Variants in JPH1 observed in about 807,000 individuals in gnomAD.
JPH1 encodes junctophilin 1, also known as junctophilin-1.
In JPH1, 12 loss-of-function variants were observed where a neutral mutation model predicts 53.6. The ratio of observed to expected loss-of-function variants is 0.22; its 90% CI spans 0.14 to 0.36. The LOEUF (loss-of-function observed/expected upper bound fraction) is 0.36. JPH1 is among the 10% of genes least tolerant of loss of function. JPH1 has a pLI of 1.00. For synonymous variants in JPH1, 375 were observed against 363.8 expected (o/e 1.03, Z -0.35); for missense variants, 808 against 905.5 (o/e 0.89, Z 1.38).
chr8:74,266,487 G>A (rs1192740060), intron 2 of JPH1, among the ~76,000 whole-genome samples: 1 of 152,176 alleles, frequency 6.6e-6, no homozygotes, highest in East Asian at 1.9e-4. Context: ...GGTACCTAGA[G>A]TAGTCAAATT....
At chr8:74,270,681 C>T (rs1806672595) in intron 2 of JPH1, among the ~76,000 whole-genome samples, 1 of 152,156 alleles carries the variant, frequency 6.6e-6, no homozygotes, top group Non-Finnish European at 1.5e-5. Flanking sequence ...TTCAAGCCAA[C>T]TAAGTACAAG....
rs1307542973 is a variant in JPH1, at chr8:74,259,393, T to C, written c.1250A>G (p.Tyr417Cys). ...AVARELSPDF[Y>C]QPGPDYVKQR... ...AAGGAGCACTGTTTTACCTGGTTGG[T>C]AGAAATCAGGTGACAGCTCCCTGGC... The change falls in exon 3 of 6, where the codon TAC (tyrosine) becomes TGC (cysteine). Residue 417 changes from tyrosine to cysteine, a missense_variant. By Grantham distance (194) the Tyr-to-Cys change is radical. Coordinates refer to ENST00000342232, the MANE Select transcript of JPH1 (RefSeq NM_020647.4). The C allele has an allele frequency of 6.2e-7, 1 of 1,613,050 alleles. No individual in the cohort carries two copies. Among genetic ancestry groups the C allele is most frequent in the African/African-American group, 1.3e-5 (1 of 74,908 alleles).
chr8:74,319,603 C>G (rs964667245), intron 1 of JPH1, among the ~76,000 whole-genome samples: 1 of 152,212 alleles, frequency 6.6e-6, no homozygotes, highest in African/African-American at 2.4e-5. Context: ...TTCTACCATT[C>G]TGCCATTTTG....
intron 3 of JPH1, among the ~76,000 whole-genome samples, chr8:74,246,455 C>T (rs926153222): frequency 1.3e-5 from 2 of 152,092 alleles, no homozygotes; most frequent in African/African-American, 2.4e-5. Flanking sequence ...ATTGCTCTTC[C>T]CATGGTGGTC....
intron 2 of JPH1, among the ~76,000 whole-genome samples, chr8:74,299,150 C>T (rs1242426258): frequency 1.3e-5 from 2 of 151,382 alleles, no homozygotes; most frequent in East Asian, 1.9e-4. Context: ...CTTCCCTTAG[C>T]TTCCCTTTAA....
intron 2 of JPH1, among the ~76,000 whole-genome samples, chr8:74,272,020 C>T (rs1182903224): frequency 6.6e-6 from 1 of 152,246 alleles, no homozygotes; most frequent in Non-Finnish European, 1.5e-5. Flanking sequence ...GGCGGTTACT[C>T]ACTGCTTGCA....
Position 74,242,232 on chromosome 8 carries a change from T to C in JPH1, c.1905+2297A>G, listed in dbSNP as rs55825217. Among the ~76,000 whole-genome samples the C allele has an allele frequency of 1.4e-3, 217 of 152,342 alleles. 1 individual carries two copies. The highest frequency in any genetic ancestry group is 5.0e-3 in the African/African-American group (206 of 41,574). On this transcript the variant is annotated intron_variant, in intron 4 of 5. Coordinates refer to ENST00000342232, the MANE Select transcript of JPH1 (RefSeq NM_020647.4). ...AGGATGGATCAGATCTACTTGAATATTTCTGAACTGCTTATGCTTCAGTTA... is the reference window on the plus strand; with the variant it reads ...AGGATGGATCAGATCTACTTGAATACTTCTGAACTGCTTATGCTTCAGTTA...
At chr8:74,305,365 G>C (rs1207257129) in intron 2 of JPH1, among the ~76,000 whole-genome samples, 3 of 152,246 alleles carry the variant, frequency 2.0e-5, no homozygotes, top group African/African-American at 7.2e-5. Flanking sequence ...AGTTTCTCCA[G>C]GTCAAAGCTG....
chr8:74,286,458 G>A (rs535966215), intron 2 of JPH1, among the ~76,000 whole-genome samples: 5 of 152,176 alleles, frequency 3.3e-5, no homozygotes, highest in African/African-American at 1.2e-4. Flanking sequence ...TATCTTAAAA[G>A]TATACACTAC....
chr8:74,318,386 G>C (rs1293494842), intron 1 of JPH1, among the ~76,000 whole-genome samples: 1 of 152,092 alleles, frequency 6.6e-6, no homozygotes, highest in Non-Finnish European at 1.5e-5. Flanking sequence ...TATATGCTCC[G>C]AATGGGTATG....
chr8:74,252,747 T>C (rs1806102277), intron 3 of JPH1, among the ~76,000 whole-genome samples: 1 of 152,062 alleles, frequency 6.6e-6, no homozygotes, highest in South Asian at 2.1e-4. Flanking sequence ...GTTGCAATCC[T>C]AGTCTCAGAT....
intron 3 of JPH1, among the ~76,000 whole-genome samples, chr8:74,254,001 C>A (rs1182272925): frequency 2.0e-5 from 3 of 152,058 alleles, no homozygotes; most frequent in Admixed American, 6.5e-5. Flanking sequence ...TGAAACCATT[C>A]CAATCAATAG....
intron 2 of JPH1, among the ~76,000 whole-genome samples, chr8:74,278,113 T>A (rs1302685387): frequency 2.6e-5 from 4 of 152,176 alleles, no homozygotes; most frequent in African/African-American, 9.7e-5. Context: ...TGAATTCCGA[T>A]GTGTTGTGGG....
At chr8:74,249,355 T>C (rs375900979) in intron 3 of JPH1, among the ~76,000 whole-genome samples, 32 of 152,272 alleles carry the variant, frequency 2.1e-4, no homozygotes, top group East Asian at 1.5e-3. Flanking sequence ...TGAAAGAGTC[T>C]AAAAAAATTG....
chr8:74,270,603 C>T (rs1806670760), intron 2 of JPH1, among the ~76,000 whole-genome samples: 1 of 152,116 alleles, frequency 6.6e-6, no homozygotes, highest in African/African-American at 2.4e-5. Context: ...AAGATGAATG[C>T]ATGTACATCA....
chr8:74,268,040 C>T (rs1382142684), intron 2 of JPH1, among the ~76,000 whole-genome samples: 2 of 152,180 alleles, frequency 1.3e-5, no homozygotes, highest in East Asian at 3.9e-4. Context: ...CCCACTTTAT[C>T]ACATGTTGGC....
In JPH1 at chr8:74,259,479, G is replaced by A. The variant is rs374689650; in HGVS notation, c.1164C>T (p.Ala388=). Residue 388 remains alanine, a synonymous_variant, in exon 3 of 6, where the codon GCC becomes GCT. Transcript: ENST00000342232. ...NSRTAHARAK[A]DAADQAALAA... is the part of the protein sequence containing the mutation. The stretch of plus-strand genomic sequence containing the variant: ...CCAGCGCGGCCTGGTCGGCGGCATC[G>A]GCCTTCGCTCTGGCATGTGCAGTCC... The A allele has an allele frequency of 6.1e-5, 98 of 1,611,408 alleles. 1 individual carries two copies. In the South Asian group the frequency reaches 6.5e-4, roughly 11 times the overall value.
intron 2 of JPH1, among the ~76,000 whole-genome samples, chr8:74,312,010 A>C (rs1284969130): frequency 6.6e-6 from 1 of 152,202 alleles, no homozygotes; most frequent in African/African-American, 2.4e-5. Context: ...AATCAGAGCT[A>C]TTATAAGGGG....
chr8:74,266,214 G>A (rs1225826097), intron 2 of JPH1, among the ~76,000 whole-genome samples: 4 of 151,900 alleles, frequency 2.6e-5, no homozygotes, highest in African/African-American at 4.8e-5. Context: ...AAAGGCGGAA[G>A]CAATCCTAAT....
Sources: allele counts gnomAD v4.1 joint callset (sites outside exome capture counted in the v4.1 genomes callset), GRCh38; gene constraint gnomAD v4.1.1; transcripts MANE v1.5; gene names NCBI Gene and HGNC (gene_info 2026-07-23, HGNC 2026-07-21).